The following NUP210 variants were observed in gnomAD, a reference collection of about 807,000 sequenced individuals.
NUP210 encodes the protein nuclear pore membrane glycoprotein 210.
Under a neutral mutation model 196.0 loss-of-function variants are expected in NUP210, and 151 were observed. The ratio of observed to expected loss-of-function variants is 0.77; its 90% confidence interval spans 0.67 to 0.88. The LOEUF (loss-of-function observed/expected upper bound fraction) is 0.88. NUP210 is among the 40% of genes least tolerant of loss of function. The pLI, the probability that NUP210 is intolerant of heterozygous loss-of-function variation, is 0.00. For synonymous variants in NUP210, 1,070 were observed against 1,052.7 expected (o/e 1.02, Z -0.32); for missense variants, 2,314 against 2,493.7 (o/e 0.93, Z 1.53).
intron 11 of NUP210, among the ~76,000 whole-genome samples, chr3:13,375,050 T>A (rs1176292784): frequency 6.6e-6 from 1 of 152,166 alleles, no homozygotes. Context: ...GGTGTGTGTA[T>A]ATATATAATG....
chr3:13,323,163 G>A lies in NUP210; in HGVS notation c.4768+146C>T. ...ACTCCAATTTCAGAAACGCTGGAAG[G>A]AGTGGATGAGTGGGGGCTAAATGCC... is the stretch of plus-strand genomic sequence containing the variant. On this transcript the variant is annotated intron_variant, in intron 34 of 39. Transcript: ENST00000254508. The surrounding 1 kb of genome is among the most constrained non-coding windows in gnomAD (Gnocchi z 4.3). 3 of 945,446 alleles carry A rather than the reference G, an allele frequency of 3.2e-6. No individual in the cohort carries two copies. The highest frequency in any genetic ancestry group is 2.4e-4 in the Middle Eastern group (1 of 4,084). The allele number at this position is 945,446 out of a possible 1,614,324, so 58.6% of individuals were successfully genotyped here.
Position 13,340,085 on chromosome 3 carries a change from C to T in NUP210, c.3292-52G>A, listed in dbSNP as rs769363915. 2.1e-5 allele frequency: 34 copies of T among 1,603,512 alleles called. No homozygotes were observed. Among genetic ancestry groups the T allele is most frequent in the South Asian group, 5.5e-5 (5 of 90,280 alleles). ...TCAGTGCCCGTCATGCCAGGCAGCCCGCACCTCCCACTCAGAGAGCCAGGG... is the reference window on the plus strand; with the variant it reads ...TCAGTGCCCGTCATGCCAGGCAGCCTGCACCTCCCACTCAGAGAGCCAGGG... On this transcript the variant is annotated intron_variant, in intron 24 of 39. Transcript: ENST00000254508. The surrounding 1 kb of genome is among the most constrained non-coding windows in gnomAD (Gnocchi z 4.0).
chr3:13,321,878 G>C (rs369726345), intron 35 of NUP210, 43 bp from the exon 36 acceptor site: 2 of 1,580,064 alleles, frequency 1.3e-6, no homozygotes, highest in Non-Finnish European at 1.7e-6. Flanking sequence ...TCTCCTGCCC[G>C]TGCACTGATG....
At position 13,323,896 on chromosome 3, in the gene NUP210, C is replaced by A. The variant is rs1341072778; in HGVS notation, c.4645-464G>T. Reference sequence around the variant, plus strand: ...CCTCCCTGCACTCCCTTGGCTAGGACACCCTCCCATCTTCTCTGCAGAGCC... The same window carrying A: ...CCTCCCTGCACTCCCTTGGCTAGGAAACCCTCCCATCTTCTCTGCAGAGCC... On this transcript the variant is annotated intron_variant, in intron 33 of 39. Transcript: ENST00000254508. The surrounding 1 kb of genome is among the most constrained non-coding windows in gnomAD (Gnocchi z 4.3). 2.0e-5 allele frequency among the ~76,000 whole-genome samples: 3 copies of A among 152,116 alleles called. No individual in the cohort carries two copies. Among genetic ancestry groups the A allele is most frequent in the Non-Finnish European group, 1.5e-5 (1 of 68,000 alleles).
At chr3:13,395,720 C>G (rs941952462) in intron 3 of NUP210, among the ~76,000 whole-genome samples, 1 of 152,180 alleles carries the variant, frequency 6.6e-6, no homozygotes, top group African/African-American at 2.4e-5. Context: ...TGTCTTCACA[C>G]TTGGCGGTTA....
chr3:13,329,052 C>A, intron 30 of NUP210, 106 bp from the exon 31 acceptor site: 1 of 946,352 alleles, frequency 1.1e-6, no homozygotes, highest in Non-Finnish European at 1.6e-6. Context: ...GGATCCACCT[C>A]AGGAACAATG....
Position 13,388,459 on chromosome 3 carries a change from A to T in NUP210, c.534-6T>A, listed in dbSNP as rs1699358299. The T allele has an allele frequency of 6.3e-7, 1 of 1,587,370 alleles. No homozygotes were observed. The highest frequency in any genetic ancestry group is 1.4e-5 in the African/African-American group (1 of 73,394). On this transcript the variant is annotated splice_polypyrimidine_tract_variant and splice_region_variant and intron_variant, in intron 4 of 39. Coordinates refer to ENST00000254508, the MANE Select transcript of NUP210 (RefSeq NM_024923.4). ...ACTCCAAGAAAGTGAGGATTCTGGA[A>T]AAGGAGCACGTTGTCAAAGTTTGTT...
rs1410637605 is a variant in NUP210, at chr3:13,375,248, G to A, written c.1431+256C>T. 4.0e-5 allele frequency among the ~76,000 whole-genome samples: 6 copies of A among 149,860 alleles called. No homozygotes were observed. The East Asian group carries it at 5.9e-4, about 15-fold the overall frequency. ...AAGCAATCCTCTCACTTCAGCCTCCGAAAGTGCTGGGACTGCAGGTGTTAG... is the reference window on the plus strand; with the variant it reads ...AAGCAATCCTCTCACTTCAGCCTCCAAAAGTGCTGGGACTGCAGGTGTTAG... On this transcript the variant is annotated intron_variant, in intron 11 of 39. Transcript: ENST00000254508.
At position 13,420,319 on chromosome 3, in the gene NUP210, A is replaced by C. The variant is rs1290999391; in HGVS notation, c.-93T>G. 8 of 836,850 alleles carry C rather than the reference A, an allele frequency of 9.6e-6. No individual in the cohort carries two copies. The East Asian group carries it at 8.2e-4, about 86-fold the overall frequency. The allele number at this position is 836,850 out of a possible 1,614,324, so 51.8% of individuals were successfully genotyped here. A position where few individuals can be genotyped will look rare whatever the true frequency, so the allele number is the denominator to read the frequency against. On this transcript the variant is annotated 5_prime_UTR_variant, in exon 1 of 40. Coordinates refer to ENST00000254508, the MANE Select transcript of NUP210 (RefSeq NM_024923.4). The surrounding 1 kb of genome is among the most constrained non-coding windows in gnomAD (Gnocchi z 4.8). Reference sequence around the variant, plus strand: ...CCGCCCGCGCGCGCGCCAGGCCAGCAGGTGATGAGCGCGGGGGCGGGGCGA... The same window carrying C: ...CCGCCCGCGCGCGCGCCAGGCCAGCCGGTGATGAGCGCGGGGGCGGGGCGA...
chr3:13,352,740 T>G (rs2124879645), intron 18 of NUP210, among the ~76,000 whole-genome samples: 2 of 152,004 alleles, frequency 1.3e-5, no homozygotes, highest in Admixed American at 1.3e-4. Flanking sequence ...TGCCAGGCAC[T>G]CGGGGTGCAG....
chr3:13,336,279 G>C (rs529939253), intron 27 of NUP210, among the ~76,000 whole-genome samples: 2 of 152,316 alleles, frequency 1.3e-5, no homozygotes, highest in East Asian at 3.9e-4. Context: ...AGAGTCACAG[G>C]GGCTGGTGCC....
At chr3:13,402,292 T>C (rs1699866442) in intron 1 of NUP210, among the ~76,000 whole-genome samples, 1 of 152,184 alleles carries the variant, frequency 6.6e-6, no homozygotes, top group South Asian at 2.1e-4. Flanking sequence ...TTCCCACTCC[T>C]GCCTTTAAAA....
intron 1 of NUP210, among the ~76,000 whole-genome samples, chr3:13,419,297 G>A (rs1327090843): frequency 6.6e-6 from 1 of 152,212 alleles, no homozygotes; most frequent in Non-Finnish European, 1.5e-5. Context: ...AGGGGCAGGA[G>A]CTCCATTTCC....
chr3:13,360,434 A>G lies in NUP210; in HGVS notation c.1990T>C (p.Phe664Leu). 6.2e-7 allele frequency: 1 copy of G among 1,613,876 alleles called. No homozygotes were observed. The highest frequency in any genetic ancestry group is 8.5e-7 in the Non-Finnish European group (1 of 1,179,922). The change falls in exon 15 of 40, where the codon TTT becomes CTT. Residue 664 changes from phenylalanine to leucine, a missense_variant. Coordinates refer to ENST00000254508, the MANE Select transcript of NUP210 (RefSeq NM_024923.4). The stretch of plus-strand genomic sequence containing the variant: ...ATCCAAGGTCTGGGACCTCCTTCAA[A>G]CAGCATCTCCTTTGAGGAGCCCAGG... ...VTLGSSKEMLFEGGPRPWILE... is the reference protein window; with the variant it reads ...VTLGSSKEMLLEGGPRPWILE...
intron 25 of NUP210, 33 bp downstream of exon 25, chr3:13,339,821 C>T: frequency 6.4e-7 from 1 of 1,573,938 alleles, no homozygotes; most frequent in African/African-American, 1.3e-5. Context: ...GTCCCAGGCA[C>T]AGCTGCCCAG....
chr3:13,332,238 T>C, intron 29 of NUP210, 55 bp downstream of exon 29: 3 of 1,400,848 alleles, frequency 2.1e-6, no homozygotes, highest in Non-Finnish European at 3.0e-6. Context: ...ACATGAGGTG[T>C]CGGATGCAAG....
At chr3:13,326,138 T>C (rs576880926) in intron 32 of NUP210, among the ~76,000 whole-genome samples, 1 of 152,336 alleles carries the variant, frequency 6.6e-6, no homozygotes, top group South Asian at 2.1e-4. Flanking sequence ...TCAGCTCTCC[T>C]ACCCTGCTGC....
At position 13,420,248 on chromosome 3, in the gene NUP210, G is replaced by A. The variant is rs1700492874; in HGVS notation, c.-22C>T. ...CCATCCTCGCCGCGCGTCACCTCCCGCGACCCTGCGCCCGGCCGCCCGCGC... is the reference window on the plus strand; with the variant it reads ...CCATCCTCGCCGCGCGTCACCTCCCACGACCCTGCGCCCGGCCGCCCGCGC... On this transcript the variant is annotated 5_prime_UTR_variant, in exon 1 of 40. Coordinates refer to ENST00000254508, the MANE Select transcript of NUP210 (RefSeq NM_024923.4). This position sits in a 1 kb window ranked among gnomAD's most constrained non-coding sequence, Gnocchi z 4.8. The A allele has an allele frequency of 3.7e-6, 4 of 1,073,740 alleles. No homozygotes were observed. In the African/African-American group the frequency reaches 6.8e-5, roughly 18 times the overall value. 66.5% of individuals were successfully genotyped at this position (1,073,740 alleles called of 1,614,324 possible). A position where few individuals can be genotyped will look rare whatever the true frequency, so the allele number is the denominator to read the frequency against.
At chr3:13,412,231 C>CTTTTTTTTTTTTTTTTTTTT (rs71066953) in intron 1 of NUP210, among the ~76,000 whole-genome samples, 4 of 104,744 alleles carry the variant, frequency 3.8e-5, no homozygotes, top group African/African-American at 1.6e-4. Flanking sequence ...TTTTCCTTTT[C>CTTTTTTTTTTTTTTTTTTTT]TTTTTTTTTT....
Sources: gnomAD v4.1 joint callset for allele counts (sites outside exome capture counted in the v4.1 genomes callset) on GRCh38, gnomAD v4.1.1 for gene constraint, Gnocchi (gnomAD v3.1) non-coding constraint, MANE v1.5 for transcripts, NCBI Gene and HGNC (gene_info 2026-07-23, HGNC 2026-07-21) for gene names.